Variants in DPP6 observed in about 807,000 individuals in gnomAD.
The protein encoded by DPP6 is A-type potassium channel modulatory protein DPP6.
Under a neutral mutation model 122.6 loss-of-function variants are expected in DPP6, and 69 were observed. That is an observed-to-expected ratio of 0.56 (90% CI 0.46 to 0.69). The LOEUF is 0.69. DPP6 is among the 30% of genes least tolerant of loss of function. The probability of loss-of-function intolerance (pLI) is 0.00; values close to 1 mark genes in which losing one functional copy is unlikely to be tolerated. For synonymous variants in DPP6, 418 were observed against 433.1 expected (o/e 0.97, Z 0.43); for missense variants, 928 against 1,116.9 (o/e 0.83, Z 2.41).
chr7:154,059,639 T>C (rs1446839126), intron 1 of DPP6: 1 of 149,410 alleles, frequency 6.7e-6, no homozygotes, highest in Non-Finnish European at 1.5e-5. Flanking sequence ...CCCGGAACTT[T>C]TGAAATGGGG....
At chr7:154,448,317 A>G (rs1820060747) in intron 2 of DPP6, among the ~76,000 whole-genome samples, 1 of 152,202 alleles carries the variant, frequency 6.6e-6, no homozygotes, top group Admixed American at 6.5e-5. Flanking sequence ...TAAGAAAATG[A>G]TTCCACTTAA....
At chr7:154,330,705 G>A (rs1481842396) in intron 1 of DPP6, among the ~76,000 whole-genome samples, 1 of 152,228 alleles carries the variant, frequency 6.6e-6, no homozygotes, top group Admixed American at 6.5e-5. Flanking sequence ...CTGCGTGCAC[G>A]TTGGTGTACA....
intron 1 of DPP6, among the ~76,000 whole-genome samples, chr7:154,287,368 G>C (rs1014985111): frequency 6.6e-6 from 1 of 152,198 alleles, no homozygotes; most frequent in African/African-American, 2.4e-5. Context: ...TAGATACAAC[G>C]GGTTTCATTC....
At chr7:154,617,308 TA>T (rs1432333104) in intron 5 of DPP6, among the ~76,000 whole-genome samples, 1 of 152,246 alleles carries the variant, frequency 6.6e-6, no homozygotes, top group Non-Finnish European at 1.5e-5. Flanking sequence ...TCTTTGGGGA[TA>T]TAAAATGTAT....
intron 6 of DPP6, among the ~76,000 whole-genome samples, chr7:154,654,852 A>G (rs556746896): frequency 1.3e-5 from 2 of 152,328 alleles, no homozygotes; most frequent in African/African-American, 4.8e-5. Context: ...CCTGCCCTCA[A>G]AAATTTAACT....
At chr7:154,067,620 A>G (rs1265357507) in intron 1 of DPP6, among the ~76,000 whole-genome samples, 1 of 152,136 alleles carries the variant, frequency 6.6e-6, no homozygotes, top group Non-Finnish European at 1.5e-5. Context: ...ACTTTTTTTA[A>G]GGTCATGGGG....
chr7:154,032,027 ATTT>A (rs59221022), intron 1 of DPP6, among the ~76,000 whole-genome samples: 1 of 127,194 alleles, frequency 7.9e-6, no homozygotes, highest in Non-Finnish European at 1.7e-5. Flanking sequence ...ACACCCGCCT[ATTT>A]TTTTTTTTTT....
At chr7:154,040,746 G>T (rs1356999136) in intron 1 of DPP6, among the ~76,000 whole-genome samples, 1 of 152,168 alleles carries the variant, frequency 6.6e-6, no homozygotes. Flanking sequence ...TATGTTCCTA[G>T]GGGCTGGAAC....
chr7:153,860,547 CT>C, the DPP6 span, among the ~76,000 whole-genome samples: 1 of 152,232 alleles, frequency 6.6e-6, no homozygotes, highest in South Asian at 2.1e-4. Context: ...GCCTGCTCTC[CT>C]TCTGCATCTT....
chr7:154,789,575 T>C (rs1797546679), intron 10 of DPP6, among the ~76,000 whole-genome samples: 1 of 152,234 alleles, frequency 6.6e-6, no homozygotes. Flanking sequence ...TCTGTGTGTC[T>C]CTTTAGACAT....
In DPP6 at chr7:154,863,570, G is replaced by A. The variant is rs191468498; in HGVS notation, c.1715-4425G>A. 6.6e-5 allele frequency among the ~76,000 whole-genome samples: 10 copies of A among 152,124 alleles called. No homozygotes were observed. Among genetic ancestry groups the A allele is most frequent in the Admixed American group, 5.2e-4 (8 of 15,278 alleles). ...GATGGAGTTGGGATTACAGGTGTGA[G>A]CCACTGCACCCAGCAAGGAAGATCT... is the stretch of plus-strand genomic sequence containing the variant. On this transcript the variant is annotated intron_variant, in intron 17 of 25. Coordinates refer to ENST00000377770, the MANE Select transcript of DPP6 (RefSeq NM_130797.4). The surrounding 1 kb of genome is among the most constrained non-coding windows in gnomAD (Gnocchi z 4.1).
At chr7:154,166,233 G>T (rs1585532843) in intron 1 of DPP6, among the ~76,000 whole-genome samples, 1 of 152,096 alleles carries the variant, frequency 6.6e-6, no homozygotes, top group Non-Finnish European at 1.5e-5. Flanking sequence ...AGTGCTGGGG[G>T]AAATGCAAAG....
intron 22 of DPP6, among the ~76,000 whole-genome samples, chr7:154,886,095 C>G (rs995754092): frequency 7.2e-5 from 11 of 152,238 alleles, no homozygotes; most frequent in Admixed American, 3.3e-4. Flanking sequence ...CGCCCTCCTT[C>G]TCTGCTCCCA....
chr7:154,565,461 G>T (rs1432703999), intron 4 of DPP6, among the ~76,000 whole-genome samples: 1 of 152,206 alleles, frequency 6.6e-6, no homozygotes, highest in Non-Finnish European at 1.5e-5. Flanking sequence ...CAAGTCCTTG[G>T]AGTCATTTCC....
At chr7:154,381,402 A>G (rs1379020901) in intron 1 of DPP6, among the ~76,000 whole-genome samples, 2 of 152,220 alleles carry the variant, frequency 1.3e-5, no homozygotes, top group Admixed American at 6.5e-5. Flanking sequence ...TGATCAACTC[A>G]TATACACCTA....
chr7:154,656,130 G>C (rs1837222376), intron 6 of DPP6, among the ~76,000 whole-genome samples: 1 of 150,304 alleles, frequency 6.7e-6, no homozygotes, highest in Non-Finnish European at 1.5e-5. Flanking sequence ...TTTAAAGGGT[G>C]GGCAGAGAAG....
chr7:153,794,068 G>A, the DPP6 span, among the ~76,000 whole-genome samples: 2 of 152,256 alleles, frequency 1.3e-5, no homozygotes, highest in Admixed American at 6.5e-5. Context: ...TGCTAGGGCA[G>A]TGCAGACGGA....
At chr7:154,260,001 G>A (rs1802892631) in intron 1 of DPP6, among the ~76,000 whole-genome samples, 1 of 152,170 alleles carries the variant, frequency 6.6e-6, no homozygotes, top group Non-Finnish European at 1.5e-5. Context: ...GAGGAAGATG[G>A]CTGTCTCAGA....
At chr7:153,889,376 C>T (rs1205956992) in intron 1 of DPP6, among the ~76,000 whole-genome samples, 5 of 152,192 alleles carry the variant, frequency 3.3e-5, no homozygotes, top group Non-Finnish European at 1.5e-5. Flanking sequence ...CCAACCACAT[C>T]CATCATTCCT....
Sources: allele counts gnomAD v4.1 joint callset (sites outside exome capture counted in the v4.1 genomes callset), GRCh38; gene constraint gnomAD v4.1.1; non-coding constraint Gnocchi (gnomAD v3.1); transcripts MANE v1.5; gene names NCBI Gene and HGNC (gene_info 2026-07-23, HGNC 2026-07-21).